Variants in MROH1 observed in about 807,000 individuals in gnomAD.
The protein encoded by MROH1 is maestro heat-like repeat-containing protein family member 1.
Under a neutral mutation model 116.5 loss-of-function variants are expected in MROH1, and 117 were observed. The observed-to-expected ratio is 1.00, with a 90% confidence interval of 0.86 to 1.17. MROH1 has a LOEUF of 1.17. Among genes scored for constraint, MROH1 ranks in the 50% most tolerant of loss-of-function variants. The pLI is 0.00. For synonymous variants in MROH1, 921 were observed against 583.9 expected (o/e 1.58, Z -8.32); for missense variants, 1,873 against 1,338.5 (o/e 1.40, Z -6.23).
At chr8:144,234,427 C>T (rs1158451466) in intron 14 of MROH1, among the ~76,000 whole-genome samples, 2 of 138,086 alleles carry the variant, frequency 1.4e-5, no homozygotes, top group Non-Finnish European at 3.1e-5. Flanking sequence ...GCACGTTTTT[C>T]GTTAGATTTA....
At chr8:144,157,401 T>C (rs1304966811) in intron 1 of MROH1, among the ~76,000 whole-genome samples, 5 of 152,222 alleles carry the variant, frequency 3.3e-5, no homozygotes, top group African/African-American at 1.2e-4. Flanking sequence ...TTTGGTTTTG[T>C]TATGAGAGTA....
chr8:144,217,151 TA>T (rs941858332), intron 12 of MROH1, among the ~76,000 whole-genome samples: 1 of 152,064 alleles, frequency 6.6e-6, no homozygotes, highest in South Asian at 2.1e-4. Context: ...TCTCATCACT[TA>T]AAAAAACGAA....
intron 10 of MROH1, among the ~76,000 whole-genome samples, chr8:144,194,296 C>T (rs1369312026): frequency 1.3e-5 from 2 of 152,150 alleles, no homozygotes; most frequent in Non-Finnish European, 2.9e-5. Flanking sequence ...CTCCTGACCT[C>T]AAGTGATCCC....
In MROH1 at chr8:144,180,494, A is replaced by G; in HGVS notation, c.533A>G (p.Gln178Arg). The change falls in exon 7 of 44, where the codon CAG (glutamine) becomes CGG (arginine). Residue 178 changes from glutamine to arginine, a missense_variant. Physicochemically the swap from Gln to Arg is conservative, Grantham distance 43. Coordinates refer to ENST00000326134, the MANE Select transcript of MROH1 (RefSeq NM_032450.3). The surrounding 1 kb of genome is among the most constrained non-coding windows in gnomAD (Gnocchi z 7.4). ...CTGCCCGTGCTGGGCGTGGCCAAGC[A>G]GGACACGGTGCGCGTGGCCTTCTGC... is the stretch of plus-strand genomic sequence containing the variant. ...SLLPVLGVAK[Q>R]DTVRVAFCSA... The G allele has an allele frequency of 6.2e-7, 1 of 1,611,824 alleles. No homozygotes were observed. Among genetic ancestry groups the G allele is most frequent in the South Asian group, 1.1e-5 (1 of 91,074 alleles).
At chr8:144,242,556 C>T in intron 23 of MROH1, 41 bp downstream of exon 23, 3 of 780,418 alleles carry the variant, frequency 3.8e-6, no homozygotes, top group Non-Finnish European at 7.2e-6. Flanking sequence ...GGAGCTGGGG[C>T]TGCCGGGGAG....
intron 4 of MROH1, chr8:144,175,497 A>T: frequency 1.0e-6 from 1 of 985,438 alleles, no homozygotes; most frequent in Non-Finnish European, 1.2e-6. Flanking sequence ...CAGTTCCTGC[A>T]CTATACCGGC....
chr8:144,260,476 C>T (rs954457182), intron 39 of MROH1, 102 bp downstream of exon 39: 28 of 696,842 alleles, frequency 4.0e-5, no homozygotes, highest in Non-Finnish European at 7.1e-5. Context: ...TCTCCCACCT[C>T]GGCTAGGTGA....
rs1830017691 is a variant in MROH1, at chr8:144,196,866, G to GT, written c.949-2256_949-2255insT. ...AATCCCAGCACTTTGGGAGACCGAG[G>GT]CGGTGGACCACGAGGTCAGGAGTTC... On this transcript the variant is annotated intron_variant, in intron 10 of 43. Transcript: ENST00000326134. 8.8e-4 allele frequency among the ~76,000 whole-genome samples: 3 copies of GT among 3,418 alleles called. No individual in the cohort carries two copies. In the Admixed American group the frequency reaches 0.022, roughly 25 times the overall value. 2.2% of individuals were successfully genotyped at this position (3,418 alleles called of 152,430 possible). A position where few individuals can be genotyped will look rare whatever the true frequency, so the allele number is the denominator to read the frequency against.
intron 12 of MROH1, among the ~76,000 whole-genome samples, chr8:144,219,244 G>A (rs1156485163): frequency 6.6e-6 from 1 of 151,994 alleles, no homozygotes; most frequent in Non-Finnish European, 1.5e-5. Flanking sequence ...GGATGGTCTC[G>A]ATCTCCTGAC....
In MROH1 at chr8:144,167,675, C is replaced by T. The variant is rs138749449; in HGVS notation, c.23-620C>T. ...TGTACAGGGAACCACCTGGCCTTGC[C>T]TGTAGAGCACTACATTTATTCAATG... is the stretch of plus-strand genomic sequence containing the variant. On this transcript the variant is annotated intron_variant, in intron 3 of 43. Coordinates refer to ENST00000326134, the MANE Select transcript of MROH1 (RefSeq NM_032450.3). 2.3e-3 allele frequency among the ~76,000 whole-genome samples: 354 copies of T among 152,282 alleles called. 1 individual carries two copies. Among genetic ancestry groups the T allele is most frequent in the African/African-American group, 8.1e-3 (336 of 41,540 alleles).
chr8:144,246,141 C>T (rs964328117), intron 29 of MROH1, among the ~76,000 whole-genome samples: 12 of 148,524 alleles, frequency 8.1e-5, no homozygotes, highest in Middle Eastern at 3.5e-3. Flanking sequence ...CCGAGTCTCT[C>T]GCTCTCACCC....
intron 1 of MROH1, among the ~76,000 whole-genome samples, chr8:144,153,416 C>G (rs1817325739): frequency 6.6e-6 from 1 of 152,024 alleles, no homozygotes; most frequent in Admixed American, 6.6e-5. Context: ...AGTCTGGTCT[C>G]GAACTCCTGA....
intron 33 of MROH1, among the ~76,000 whole-genome samples, chr8:144,253,110 C>T (rs914584637): frequency 2.0e-5 from 3 of 147,808 alleles, no homozygotes; most frequent in African/African-American, 5.0e-5. Context: ...GCTGAGATCG[C>T]GCCGTTGCAC....
chr8:144,216,367 A>G (rs146192223), intron 12 of MROH1, among the ~76,000 whole-genome samples: 10,739 of 151,090 alleles, frequency 0.071, 1,295 homozygotes, highest in African/African-American at 0.25. Context: ...CCAGCTACTC[A>G]GGAGGCTGAG....
Position 144,200,607 on chromosome 8 carries a change from A to T in MROH1, c.1141+66A>T, listed in dbSNP as rs1434683873. ...TGTCCAGGATGGAGCAGGTCCTGGC[A>T]GATTGTGTCCCTCTAAGTGAAAGCA... On this transcript the variant is annotated intron_variant, in intron 12 of 43. Transcript: ENST00000326134. The T allele has an allele frequency of 6.3e-6, 7 of 1,109,524 alleles. No individual in the cohort carries two copies. In the African/African-American group the frequency reaches 9.3e-5, roughly 15 times the overall value. The allele number at this position is 1,109,524 out of a possible 1,614,324, so 68.7% of individuals were successfully genotyped here.
chr8:144,178,132 GT>G (rs1194991914), intron 4 of MROH1, among the ~76,000 whole-genome samples: 1 of 145,128 alleles, frequency 6.9e-6, no homozygotes, highest in East Asian at 2.0e-4. Context: ...GGTAATTTTT[GT>G]TTTTTGTGTT....
At chr8:144,216,177 C>CT (rs1194116891) in intron 12 of MROH1, among the ~76,000 whole-genome samples, 3 of 146,850 alleles carry the variant, frequency 2.0e-5, no homozygotes, top group Admixed American at 1.4e-4. Context: ...GAAACCCTGT[C>CT]TCAAAAAAAA....
At chr8:144,225,915 T>G (rs1045479136) in intron 14 of MROH1, among the ~76,000 whole-genome samples, 12 of 143,560 alleles carry the variant, frequency 8.4e-5, no homozygotes, top group African/African-American at 2.8e-4. Context: ...TTTTAGTTTT[T>G]TTTTTTTTTT....
intron 14 of MROH1, among the ~76,000 whole-genome samples, chr8:144,227,641 TCACA>T (rs1256138300): frequency 6.8e-6 from 1 of 147,300 alleles, no homozygotes; most frequent in Admixed American, 6.8e-5. Context: ...TGAGACCCTG[TCACA>T]CACACACAAA....
Sources: allele counts gnomAD v4.1 joint callset (sites outside exome capture counted in the v4.1 genomes callset), GRCh38; gene constraint gnomAD v4.1.1; non-coding constraint Gnocchi (gnomAD v3.1); transcripts MANE v1.5; gene names NCBI Gene and HGNC (gene_info 2026-07-23, HGNC 2026-07-21).